Variants in THRB observed in about 807,000 individuals in gnomAD.
THRB encodes nuclear receptor subfamily 1 group A member 2.
Under a neutral mutation model 47.8 loss-of-function variants are expected in THRB, and 12 were observed. The ratio of observed to expected loss-of-function variants is 0.25; its 90% CI spans 0.16 to 0.41. The LOEUF (loss-of-function observed/expected upper bound fraction) is 0.41. Ranked by LOEUF, THRB falls within the 10% of genes least tolerant of loss-of-function variation. THRB has a pLI of 1.00. For synonymous variants in THRB, 218 were observed against 212.2 expected (o/e 1.03, Z -0.24); for missense variants, 348 against 589.2 (o/e 0.59, Z 4.24).
chr3:24,483,923 C>G (rs1281625695), intron 1 of THRB: 5 of 152,188 alleles, frequency 3.3e-5, no homozygotes, highest in African/African-American at 1.2e-4. Context: ...TTGTTCTCAC[C>G]AAGGGAATGT....
chr3:24,243,064 C>G (rs1197353537), intron 3 of THRB, among the ~76,000 whole-genome samples: 1 of 91,448 alleles, frequency 1.1e-5, no homozygotes, highest in Admixed American at 1.2e-4. Flanking sequence ...ACCTGCGCAC[C>G]TTTGAAAAAA....
At chr3:24,159,207 T>C (rs942056193) in intron 5 of THRB, among the ~76,000 whole-genome samples, 2 of 152,218 alleles carry the variant, frequency 1.3e-5, no homozygotes, top group Non-Finnish European at 1.5e-5. Flanking sequence ...AGCCTTATGT[T>C]ACATAAACAT....
At chr3:24,422,797 TG>T (rs893428993) in intron 1 of THRB, among the ~76,000 whole-genome samples, 1 of 151,870 alleles carries the variant, frequency 6.6e-6, no homozygotes, top group African/African-American at 2.4e-5. Context: ...TCTCCAAAGA[TG>T]GCCACCATCA....
intron 1 of THRB, chr3:24,455,210 T>TA (rs1383229725): frequency 6.8e-6 from 1 of 146,184 alleles, no homozygotes; most frequent in Non-Finnish European, 1.5e-5. Flanking sequence ...ACTGAACACT[T>TA]ACACCAATCA....
intron 1 of THRB, among the ~76,000 whole-genome samples, chr3:24,417,300 G>A (rs958630276): frequency 2.0e-5 from 3 of 151,864 alleles, no homozygotes; most frequent in Admixed American, 2.0e-4. Context: ...AAATAAGAAA[G>A]GCCAGGCTGT....
At chr3:24,163,879 CATTT>C (rs2039260448) in intron 5 of THRB, among the ~76,000 whole-genome samples, 1 of 151,848 alleles carries the variant, frequency 6.6e-6, no homozygotes, top group African/African-American at 2.4e-5. Flanking sequence ...AAATTTTGTT[CATTT>C]GTTTTCATAA....
At chr3:24,495,204 G>T (rs1698855645), upstream of THRB, 1 of 152,922 alleles carries the variant, frequency 6.5e-6, no homozygotes, top group Non-Finnish European at 1.5e-5. Flanking sequence ...AGCCCTCACG[G>T]CTGTCCGACT....
At chr3:24,372,206 C>G (rs892927379) in intron 1 of THRB, among the ~76,000 whole-genome samples, 2 of 152,042 alleles carry the variant, frequency 1.3e-5, no homozygotes, top group Non-Finnish European at 2.9e-5. Flanking sequence ...TGTGCTCCCC[C>G]TCCCAAAACC....
intron 5 of THRB, among the ~76,000 whole-genome samples, chr3:24,186,842 G>C (rs1229162714): frequency 6.6e-6 from 1 of 151,050 alleles, no homozygotes; most frequent in Non-Finnish European, 1.5e-5. Flanking sequence ...CTACTCAGGA[G>C]GCTGAGGCAG....
intron 1 of THRB, among the ~76,000 whole-genome samples, chr3:24,362,352 A>G (rs552572515): frequency 8.5e-5 from 13 of 152,146 alleles, no homozygotes; most frequent in African/African-American, 2.6e-4. Context: ...TATTTCTCCA[A>G]CATGAAGCCT....
intron 4 of THRB, among the ~76,000 whole-genome samples, chr3:24,197,247 A>G (rs2044057380): frequency 1.3e-5 from 2 of 152,228 alleles, no homozygotes; most frequent in Non-Finnish European, 2.9e-5. Flanking sequence ...AAGCAATTCA[A>G]TATGGACTAC....
intron 1 of THRB, among the ~76,000 whole-genome samples, chr3:24,360,355 C>T (rs1423721899): frequency 6.6e-6 from 1 of 152,146 alleles, no homozygotes; most frequent in Non-Finnish European, 1.5e-5. Context: ...AGTAGACCAG[C>T]AGCATCAGCA....
At chr3:24,165,243 C>T (rs1326084726) in intron 5 of THRB, 3 of 764,994 alleles carry the variant, frequency 3.9e-6, no homozygotes, top group East Asian at 2.4e-5. Context: ...GCATCGCAAC[C>T]GCTGTAACCC....
At chr3:24,479,197 G>A (rs1695983519) in intron 1 of THRB, among the ~76,000 whole-genome samples, 1 of 152,198 alleles carries the variant, frequency 6.6e-6, no homozygotes, top group Non-Finnish European at 1.5e-5. Context: ...AGCTACTCGG[G>A]AGGCTGAGGC....
At chr3:24,279,436 G>A (rs1415527035) in intron 3 of THRB, among the ~76,000 whole-genome samples, 2 of 151,942 alleles carry the variant, frequency 1.3e-5, no homozygotes, top group Non-Finnish European at 2.9e-5. Flanking sequence ...CAGGCTGGAG[G>A]TGCAGTGGTG....
intron 1 of THRB, among the ~76,000 whole-genome samples, chr3:24,382,085 G>A (rs1168941207): frequency 1.3e-5 from 2 of 151,812 alleles, no homozygotes; most frequent in African/African-American, 4.8e-5. Context: ...TATCCACTTT[G>A]AATCATAAAA....
At chr3:24,311,974 A>T (rs1205989602) in intron 2 of THRB, among the ~76,000 whole-genome samples, 1 of 152,088 alleles carries the variant, frequency 6.6e-6, no homozygotes, top group Non-Finnish European at 1.5e-5. Context: ...TCTTCTCTCC[A>T]CTTCCTCCAT....
At chr3:24,136,546 A>G (rs1216211900) in intron 8 of THRB, among the ~76,000 whole-genome samples, 1 of 152,236 alleles carries the variant, frequency 6.6e-6, no homozygotes, top group Non-Finnish European at 1.5e-5. Context: ...GAGTATAAAT[A>G]TTTCACATTA....
At chr3:24,304,162 T>C (rs1449531000) in intron 2 of THRB, among the ~76,000 whole-genome samples, 2 of 152,100 alleles carry the variant, frequency 1.3e-5, no homozygotes, top group South Asian at 2.1e-4. Context: ...AGAAAGGACA[T>C]AAATATTTGA....
Sources: allele counts gnomAD v4.1 joint callset (sites outside exome capture counted in the v4.1 genomes callset), GRCh38; gene constraint gnomAD v4.1.1; transcripts MANE v1.5; gene names NCBI Gene and HGNC (gene_info 2026-07-23, HGNC 2026-07-21).